The following ACOT13 variants were observed in gnomAD, a reference collection of about 807,000 sequenced individuals.
ACOT13 encodes the protein acyl-coenzyme A thioesterase 13.
In ACOT13, 10 loss-of-function variants were observed where a neutral mutation model predicts 11.8. The ratio of observed to expected loss-of-function variants is 0.85; its 90% confidence interval spans 0.53 to 1.44. The LOEUF is 1.44. Ranked by LOEUF, ACOT13 falls within the 40% of genes most tolerant of loss-of-function variation. The probability of loss-of-function intolerance (pLI) is 0.00; values close to 1 mark genes in which losing one functional copy is unlikely to be tolerated. For missense variants in ACOT13, 172 were observed against 174.1 expected (o/e 0.99, Z 0.07); for synonymous variants, 53 against 61.0 (o/e 0.87, Z 0.61).
At chr6:24,694,956 A>G (rs1778772041) in intron 1 of ACOT13, among the ~76,000 whole-genome samples, 1 of 152,172 alleles carries the variant, frequency 6.6e-6, no homozygotes, top group South Asian at 2.1e-4. Context: ...ATCCCAGCCA[A>G]AGTTAGGTAA....
chr6:24,680,744 C>T (rs565981350), intron 1 of ACOT13, among the ~76,000 whole-genome samples: 1 of 152,248 alleles, frequency 6.6e-6, no homozygotes, highest in East Asian at 1.9e-4. Context: ...CCCAGCTGCC[C>T]CATCAAGATG....
intron 1 of ACOT13, among the ~76,000 whole-genome samples, chr6:24,686,743 C>T (rs1017128010): frequency 8.6e-5 from 13 of 151,508 alleles, no homozygotes; most frequent in African/African-American, 2.4e-4. Flanking sequence ...CCCTGTCACC[C>T]AGGCTAGAGT....
chr6:24,680,324 A>C (rs1778527170), intron 1 of ACOT13, among the ~76,000 whole-genome samples: 1 of 152,172 alleles, frequency 6.6e-6, no homozygotes, highest in Admixed American at 6.5e-5. Context: ...GAAGAATATA[A>C]GTCATTTCTT....
Position 24,667,358 on chromosome 6 carries a change from A to G in ACOT13, c.81+14A>G, listed in dbSNP as rs17243143. ...GTTTTGGGAAAGGTATGGGAAAGGT[A>G]GGGGAGAAGCCGTGGCTTCTAATGA... On this transcript the variant is annotated intron_variant, in intron 1 of 2. Transcript: ENST00000230048. 8.3e-3 allele frequency: 13,382 copies of G among 1,613,310 alleles called. 90 individuals are homozygous for G. The highest frequency in any genetic ancestry group is 0.014 in the Middle Eastern group (86 of 6,060).
At position 24,701,463 on chromosome 6, in the gene ACOT13, A is replaced by G; in HGVS notation, c.271A>G (p.Met91Val). ...CTATATTCATTTTCTTTCAAGGTAC[A>G]TGTCACCTGCAAAATTAGGAGAAGA... The part of the protein sequence containing the change: ...GVSVDMNITY[M>V]SPAKLGEDIV... Residue 91 changes from methionine (M) to valine (V), a missense_variant, in exon 3 of 3, where the codon ATG becomes GTG. By Grantham distance (21) the Met-to-Val change is conservative (BLOSUM62 1). Coordinates refer to ENST00000230048, the MANE Select transcript of ACOT13 (RefSeq NM_018473.4). The G allele has an allele frequency of 6.2e-7, 1 of 1,606,624 alleles. No homozygotes were observed. Among genetic ancestry groups the G allele is most frequent in the Non-Finnish European group, 8.5e-7 (1 of 1,176,580 alleles).
chr6:24,685,762 G>A (rs1778619926), intron 1 of ACOT13, among the ~76,000 whole-genome samples: 1 of 152,170 alleles, frequency 6.6e-6, no homozygotes, highest in African/African-American at 2.4e-5. Context: ...GACACTACTG[G>A]CATCTAATGG....
At position 24,681,380 on chromosome 6, in the gene ACOT13, G is replaced by A. The variant is rs762243130; in HGVS notation, c.81+14036G>A. ...AGTGGCCTCAGTGCTTTTGGGCTACGCCCTTATTTACATTGACAACAGTGG... is the reference window on the plus strand; with the variant it reads ...AGTGGCCTCAGTGCTTTTGGGCTACACCCTTATTTACATTGACAACAGTGG... On this transcript the variant is annotated intron_variant, in intron 1 of 2. Transcript: ENST00000230048. Among the ~76,000 whole-genome samples the A allele has an allele frequency of 5.3e-5, 8 of 152,296 alleles. No individual in the cohort carries two copies. The South Asian group carries it at 1.4e-3, about 28-fold the overall frequency.
In ACOT13 at chr6:24,703,939, G is replaced by C. The variant is rs1290238089; in HGVS notation, c.*2324G>C. On this transcript the variant is annotated 3_prime_UTR_variant, in exon 3 of 3. Coordinates refer to ENST00000230048, the MANE Select transcript of ACOT13 (RefSeq NM_018473.4). ...ATTGCCCTGTACTCCAAAAAACATA[G>C]AGGTCATGGAACACATAAAGGCTAA... is the stretch of plus-strand genomic sequence containing the variant. The C allele has an allele frequency of 6.6e-6, 1 of 152,002 alleles. No individual in the cohort carries two copies. Among genetic ancestry groups the C allele is most frequent in the Admixed American group, 6.6e-5 (1 of 15,262 alleles). The allele number at this position is 152,002 out of a possible 1,614,324, so 9.4% of individuals were successfully genotyped here. A position where few individuals can be genotyped will look rare whatever the true frequency, so the allele number is the denominator to read the frequency against.
At chr6:24,674,555 C>T (rs1207541851) in intron 1 of ACOT13, among the ~76,000 whole-genome samples, 5 of 151,932 alleles carry the variant, frequency 3.3e-5, no homozygotes, top group Non-Finnish European at 4.4e-5. Context: ...ATTACAGGCG[C>T]CTGCCACCAC....
chr6:24,692,355 A>G (rs929319384), intron 1 of ACOT13, among the ~76,000 whole-genome samples: 1 of 152,244 alleles, frequency 6.6e-6, no homozygotes, highest in Non-Finnish European at 1.5e-5. Context: ...AAGAAAATTC[A>G]TGCCAAACTA....
chr6:24,679,438 C>T (rs1335512881), intron 1 of ACOT13, among the ~76,000 whole-genome samples: 1 of 152,214 alleles, frequency 6.6e-6, no homozygotes, highest in African/African-American at 2.4e-5. Context: ...GAGAGGTATG[C>T]TTCCTCAATG....
chr6:24,680,790 T>G (rs1187330271), intron 1 of ACOT13, among the ~76,000 whole-genome samples: 1 of 152,230 alleles, frequency 6.6e-6, no homozygotes, highest in Non-Finnish European at 1.5e-5. Context: ...CAAATTCGTT[T>G]CAGAGAGGTG....
intron 1 of ACOT13, among the ~76,000 whole-genome samples, chr6:24,684,569 T>A (rs1056877467): frequency 2.4e-5 from 1 of 41,178 alleles, no homozygotes; most frequent in African/African-American, 1.6e-4. Context: ...GCAGTACGGC[T>A]GAAGTGTCCA....
At chr6:24,667,963 G>A (rs1778289879) in intron 1 of ACOT13, among the ~76,000 whole-genome samples, 1 of 152,174 alleles carries the variant, frequency 6.6e-6, no homozygotes, top group Non-Finnish European at 1.5e-5. Flanking sequence ...GGAGTGCAAT[G>A]GCGCGATCTC....
At position 24,704,325 on chromosome 6, in the gene ACOT13, A is replaced by G. The variant is rs1346276906; in HGVS notation, c.*2710A>G. On this transcript the variant is annotated 3_prime_UTR_variant, in exon 3 of 3. Transcript: ENST00000230048. Reference sequence around the variant, plus strand: ...ATTACTCTGGTAACTTTTCTAAATTATTCCAAAATAAAAACGTAAACAATG... The same window carrying G: ...ATTACTCTGGTAACTTTTCTAAATTGTTCCAAAATAAAAACGTAAACAATG... 6.6e-6 allele frequency: 1 copy of G among 152,224 alleles called. No individual in the cohort carries two copies. Among genetic ancestry groups the G allele is most frequent in the Non-Finnish European group, 1.5e-5 (1 of 68,034 alleles). The allele number at this position is 152,224 out of a possible 1,614,324, so 9.4% of individuals were successfully genotyped here. A position where few individuals can be genotyped will look rare whatever the true frequency, so the allele number is the denominator to read the frequency against.
chr6:24,682,336 GGGCCACTTCCACAATGGTGGCA>G, intron 1 of ACOT13, among the ~76,000 whole-genome samples: 1 of 152,266 alleles, frequency 6.6e-6, no homozygotes, highest in Middle Eastern at 3.4e-3. Context: ...AGATGGTTGT[GGGCCACTTCCACAATGGTGGCA>G]GGCCACTTCC....
chr6:24,700,739 T>C (rs926482977), intron 2 of ACOT13, among the ~76,000 whole-genome samples: 1 of 152,142 alleles, frequency 6.6e-6, no homozygotes, highest in Non-Finnish European at 1.5e-5. Flanking sequence ...CCCGGCCAGA[T>C]CCACCTTTCT....
At chr6:24,674,693 G>A (rs1311994431) in intron 1 of ACOT13, among the ~76,000 whole-genome samples, 1 of 152,148 alleles carries the variant, frequency 6.6e-6, no homozygotes, top group Non-Finnish European at 1.5e-5. Context: ...TGGGATTACA[G>A]GCATGAGTCA....
chr6:24,689,483 G>C (rs1305737583), intron 1 of ACOT13, among the ~76,000 whole-genome samples: 1 of 152,098 alleles, frequency 6.6e-6, no homozygotes, highest in Non-Finnish European at 1.5e-5. Flanking sequence ...AATAAATTGA[G>C]CTAGAGAAAT....
Sources: allele counts gnomAD v4.1 joint callset (sites outside exome capture counted in the v4.1 genomes callset), GRCh38; gene constraint gnomAD v4.1.1; transcripts MANE v1.5; gene names NCBI Gene and HGNC (gene_info 2026-07-23, HGNC 2026-07-21).